The following EGF variants were observed in gnomAD, a reference collection of about 807,000 sequenced individuals.
EGF encodes pro-epidermal growth factor.
EGF carries 95 observed loss-of-function variants against 143.8 expected under a neutral mutation model. That is an observed-to-expected ratio of 0.66 (90% confidence interval 0.56 to 0.78). The LOEUF is 0.78. Ranked by LOEUF, EGF falls within the 30% of genes least tolerant of loss-of-function variation. EGF has a pLI of 0.00. For missense variants in EGF, 1,320 were observed against 1,470.9 expected (o/e 0.90, Z 1.68); for synonymous variants, 510 against 510.5 (o/e 1.00, Z 0.01).
At chr4:109,923,715 A>T (rs1028111633) in intron 1 of EGF, among the ~76,000 whole-genome samples, 7 of 151,506 alleles carry the variant, frequency 4.6e-5, no homozygotes, top group Non-Finnish European at 7.4e-5. Context: ...TGACTTCCTG[A>T]GCTCAGGTGA....
intron 1 of EGF, among the ~76,000 whole-genome samples, chr4:109,929,704 G>A: frequency 6.7e-6 from 1 of 149,104 alleles, no homozygotes; most frequent in Admixed American, 6.6e-5. Flanking sequence ...AGCAAAATGA[G>A]TTCCAGAGCA....
chr4:109,919,972 C>T (rs1308421985), intron 1 of EGF, among the ~76,000 whole-genome samples: 2 of 151,634 alleles, frequency 1.3e-5, no homozygotes, highest in Non-Finnish European at 2.9e-5. Context: ...CAGTGGTCTG[C>T]TATTGGGAGC....
chr4:109,960,756 T>C (rs1277727588), intron 6 of EGF, 111 bp from the exon 7 acceptor site: 2 of 1,231,768 alleles, frequency 1.6e-6, no homozygotes, highest in African/African-American at 3.0e-5. Context: ...CATGATCAAT[T>C]ACAGCATATA....
chr4:109,988,533 T>C, intron 17 of EGF, 51 bp from the exon 18 acceptor site: 2 of 1,612,818 alleles, frequency 1.2e-6, no homozygotes, highest in South Asian at 2.2e-5. Context: ...ACTAGTCCCA[T>C]TTATATCAGG....
chr4:109,979,922 T>C, intron 13 of EGF, 50 bp from the exon 14 acceptor site: 1 of 1,605,638 alleles, frequency 6.2e-7, no homozygotes, highest in Non-Finnish European at 8.5e-7. Flanking sequence ...TCGTAAATAG[T>C]CATTGCAAAG....
At chr4:110,007,300 T>A (rs543787880) in intron 22 of EGF, among the ~76,000 whole-genome samples, 2 of 152,316 alleles carry the variant, frequency 1.3e-5, no homozygotes, top group South Asian at 2.1e-4. Context: ...AGTTGTGTGC[T>A]CCTTTCTGTG....
At chr4:109,970,741 C>T (rs1445781671) in intron 11 of EGF, among the ~76,000 whole-genome samples, 2 of 144,700 alleles carry the variant, frequency 1.4e-5, no homozygotes, top group Middle Eastern at 3.7e-3. Context: ...AGGAGAATGG[C>T]GTGAACCTGG....
chr4:110,008,144 G>A lies in EGF; in HGVS notation c.3292-8G>A. 1 of 1,613,022 alleles carries A rather than the reference G, an allele frequency of 6.2e-7. No individual in the cohort carries two copies. The highest frequency in any genetic ancestry group is 8.5e-7 in the Non-Finnish European group (1 of 1,179,194). On this transcript the variant is annotated splice_region_variant and splice_polypyrimidine_tract_variant and intron_variant, in intron 22 of 23. Transcript: ENST00000265171. Reference sequence around the variant, plus strand: ...ATATCCTCTCTCCCTCCTTTTTGTTGTCTGCAGTTTGTGGTTATAAAAGAA... The same window carrying A: ...ATATCCTCTCTCCCTCCTTTTTGTTATCTGCAGTTTGTGGTTATAAAAGAA...
At position 109,980,033 on chromosome 4, in the gene EGF, A is replaced by G. The variant is rs762377539; in HGVS notation, c.2115A>G (p.Pro705=). 4.3e-6 allele frequency: 7 copies of G among 1,613,976 alleles called. No individual in the cohort carries two copies. The highest frequency in any genetic ancestry group is 1.6e-4 in the Middle Eastern group (1 of 6,080). Residue 705 remains proline (P), a synonymous_variant, in exon 14 of 24, where the codon CCA becomes CCG. Coordinates refer to ENST00000265171, the MANE Select transcript of EGF (RefSeq NM_001963.6). ...TGTGGTTCTCAGATTGGGCTATGCC[A>G]TCAGTAATGAGAGTAAACAAGAGGA... The part of the protein sequence containing the change: ...DYVWFSDWAM[P]SVMRVNKRTG...
At chr4:109,969,213 A>C in intron 11 of EGF, 94 bp downstream of exon 11, 1 of 1,558,476 alleles carries the variant, frequency 6.4e-7, no homozygotes, top group South Asian at 1.1e-5. Context: ...ACACAGAAAA[A>C]TGTTGCTGGG....
At chr4:109,931,430 T>C (rs1166384112) in intron 1 of EGF, among the ~76,000 whole-genome samples, 1 of 152,154 alleles carries the variant, frequency 6.6e-6, no homozygotes, top group Non-Finnish European at 1.5e-5. Context: ...AAAATGAAGA[T>C]TGTAATATCT....
chr4:109,964,962 T>C (rs1746310426), intron 10 of EGF, among the ~76,000 whole-genome samples: 1 of 152,122 alleles, frequency 6.6e-6, no homozygotes, highest in Non-Finnish European at 1.5e-5. Context: ...TACATATGTC[T>C]TTTGAGGGAG....
intron 8 of EGF, 109 bp from the exon 9 acceptor site, chr4:109,963,064 C>T: frequency 1.8e-6 from 2 of 1,119,232 alleles, no homozygotes; most frequent in Non-Finnish European, 2.5e-6. Flanking sequence ...AACTCCATCT[C>T]AAAAAAAAAA....
intron 13 of EGF, among the ~76,000 whole-genome samples, chr4:109,976,512 G>A (rs1748527938): frequency 6.6e-6 from 1 of 152,102 alleles, no homozygotes; most frequent in African/African-American, 2.4e-5. Context: ...TAAGAACTTG[G>A]TTCAGCTGTT....
intron 18 of EGF, among the ~76,000 whole-genome samples, chr4:109,989,125 A>T (rs1316265658): frequency 1.3e-5 from 2 of 152,208 alleles, no homozygotes; most frequent in Non-Finnish European, 2.9e-5. Flanking sequence ...TGCTGTGTGT[A>T]TAAAGAAAAG....
intron 18 of EGF, among the ~76,000 whole-genome samples, chr4:109,989,256 G>A (rs922041880): frequency 5.9e-5 from 9 of 152,134 alleles, no homozygotes; most frequent in South Asian, 2.1e-4. Flanking sequence ...CGTAATCCCC[G>A]TCCTCTGGCA....
chr4:109,931,992 C>T (rs888135528), intron 1 of EGF, among the ~76,000 whole-genome samples: 4 of 152,070 alleles, frequency 2.6e-5, no homozygotes, highest in Non-Finnish European at 5.9e-5. Context: ...TATGAATTTA[C>T]AAATTCTTGA....
intron 5 of EGF, among the ~76,000 whole-genome samples, chr4:109,945,890 T>C (rs1435611927): frequency 6.6e-6 from 1 of 152,236 alleles, no homozygotes; most frequent in East Asian, 1.9e-4. Context: ...TTGTCTTCAG[T>C]GGTTAACTTT....
Position 109,913,330 on chromosome 4 carries a change from A to G in EGF, c.-6A>G, listed in dbSNP as rs753351824. The G allele has an allele frequency of 1.9e-6, 3 of 1,613,674 alleles. No individual in the cohort carries two copies. Among genetic ancestry groups the G allele is most frequent in the Middle Eastern group, 1.7e-4 (1 of 6,056 alleles). On this transcript the variant is annotated 5_prime_UTR_variant, in exon 1 of 24. Coordinates refer to ENST00000265171, the MANE Select transcript of EGF (RefSeq NM_001963.6). ...TTTCTTTTGAAAGTTCAAACTCATC[A>G]AGATTATGCTGCTCACTCTTATCAT...
Sources: gnomAD v4.1 joint callset for allele counts (sites outside exome capture counted in the v4.1 genomes callset) on GRCh38, gnomAD v4.1.1 for gene constraint, MANE v1.5 for transcripts, NCBI Gene and HGNC (gene_info 2026-07-23, HGNC 2026-07-21) for gene names.